Variants in SOX5 observed in about 807,000 individuals in gnomAD.
SOX5 encodes transcription factor SOX-5.
SOX5 carries 9 observed loss-of-function variants against 92.0 expected under a neutral mutation model. The ratio of observed to expected loss-of-function variants is 0.10; its 90% CI spans 0.06 to 0.17. SOX5 has a LOEUF of 0.17. Ranked by LOEUF, SOX5 falls within the 10% of genes least tolerant of loss-of-function variation. The pLI is 1.00. For missense variants in SOX5, 642 were observed against 944.5 expected (o/e 0.68, Z 4.20); for synonymous variants, 344 against 336.3 (o/e 1.02, Z -0.25).
chr12:23,752,598 T>G (rs1243459478), intron 4 of SOX5, among the ~76,000 whole-genome samples: 2 of 151,802 alleles, frequency 1.3e-5, no homozygotes, highest in Non-Finnish European at 2.9e-5. Flanking sequence ...AAATTGTGTG[T>G]GACTATTGGT....
intron 3 of SOX5, among the ~76,000 whole-genome samples, chr12:24,239,074 A>G (rs1965074705): frequency 1.3e-5 from 2 of 152,218 alleles, no homozygotes; most frequent in South Asian, 2.1e-4. Context: ...GGGTGAGACA[A>G]AAAGGTAACA....
chr12:23,726,638 T>G (rs1044071016), intron 6 of SOX5, among the ~76,000 whole-genome samples: 9 of 152,148 alleles, frequency 5.9e-5, no homozygotes, highest in Non-Finnish European at 1.2e-4. Context: ...TGATAGTCCC[T>G]ATTTTGTTAA....
chr12:23,964,797 G>A (rs1947348299), intron 4 of SOX5, among the ~76,000 whole-genome samples: 4 of 152,064 alleles, frequency 2.6e-5, no homozygotes, highest in Admixed American at 2.0e-4. Flanking sequence ...ATATATATGG[G>A]CATCTGATTA....
At chr12:24,029,253 A>C (rs547772176) in intron 4 of SOX5, among the ~76,000 whole-genome samples, 14 of 151,994 alleles carry the variant, frequency 9.2e-5, no homozygotes, top group African/African-American at 3.4e-4. Context: ...CAAGAGCCAA[A>C]ACTTCTCCAA....
rs1456398320 is a variant in SOX5 at position 24,007,243 on chromosome 12, A to T, written c.-1-111219T>A. Reference sequence around the variant, plus strand: ...TGTATATAAATGTATTTATATATATAAATGTATATAAATGTATTTATATAT... The same window carrying T: ...TGTATATAAATGTATTTATATATATTAATGTATATAAATGTATTTATATAT... On this transcript the variant is annotated intron_variant, in intron 4 of 4. Coordinates refer to the SOX5 transcript ENST00000446891. 4.0e-4 allele frequency among the ~76,000 whole-genome samples: 4 copies of T among 10,100 alleles called. 2 individuals are homozygous for T. Among genetic ancestry groups the T allele is most frequent in the Non-Finnish European group, 9.4e-4 (4 of 4,248 alleles). The allele number at this position is 10,100 out of a possible 152,430, so 6.6% of individuals were successfully genotyped here. A position where few individuals can be genotyped will look rare whatever the true frequency, so the allele number is the denominator to read the frequency against.
At chr12:23,857,398 T>C (rs2096705029) in intron 2 of SOX5, among the ~76,000 whole-genome samples, 1 of 152,160 alleles carries the variant, frequency 6.6e-6, no homozygotes, top group Admixed American at 6.5e-5. Flanking sequence ...GACACATATG[T>C]GACAATAAAA....
At chr12:24,289,784 A>G (rs940800109) in intron 2 of SOX5, among the ~76,000 whole-genome samples, 4 of 152,150 alleles carry the variant, frequency 2.6e-5, no homozygotes, top group African/African-American at 9.7e-5. Flanking sequence ...GCCTTAGAAG[A>G]TAGAGCTATT....
rs1555374990 is a variant in SOX5 at position 23,838,846 on chromosome 12, G to GC, written c.481+7136_481+7137insG. On this transcript the variant is annotated intron_variant, in intron 3 of 14. Transcript: ENST00000451604. The stretch of plus-strand genomic sequence containing the variant: ...ATTCCCAGTAGTTCTTTTTTTTTGG[G>GC]GGGGGGGGGCGGGGATGGAGTCTCG... Among the ~76,000 whole-genome samples, 538 of 95,748 alleles carry GC rather than the reference G, an allele frequency of 5.6e-3. 31 individuals carry two copies. Among genetic ancestry groups the GC allele is most frequent in the Middle Eastern group, 9.1e-3 (2 of 220 alleles). 62.8% of individuals were successfully genotyped at this position (95,748 alleles called of 152,430 possible).
At chr12:23,823,483 T>C (rs1209565366) in intron 3 of SOX5, among the ~76,000 whole-genome samples, 4 of 152,164 alleles carry the variant, frequency 2.6e-5, no homozygotes, top group Non-Finnish European at 5.9e-5. Context: ...CAGAGAGATA[T>C]GCTATTAGTC....
At chr12:24,370,579 G>A (rs1183717559) in intron 1 of SOX5, among the ~76,000 whole-genome samples, 1 of 151,848 alleles carries the variant, frequency 6.6e-6, no homozygotes, top group Non-Finnish European at 1.5e-5. Flanking sequence ...ATTGCTTGAT[G>A]CCAGGAGTGT....
At chr12:24,328,546 A>G (rs1334831494) in intron 2 of SOX5, among the ~76,000 whole-genome samples, 1 of 152,174 alleles carries the variant, frequency 6.6e-6, no homozygotes, top group African/African-American at 2.4e-5. Flanking sequence ...AGAGAGCAAA[A>G]GCTTGGTTTG....
At chr12:23,740,082 A>C (rs769519875) in intron 5 of SOX5, among the ~76,000 whole-genome samples, 2 of 152,172 alleles carry the variant, frequency 1.3e-5, no homozygotes, top group Non-Finnish European at 2.9e-5. Flanking sequence ...AGTAGAGTTT[A>C]AACCACCATT....
At chr12:24,294,345 T>G (rs113908830) in intron 2 of SOX5, among the ~76,000 whole-genome samples, 1 of 152,100 alleles carries the variant, frequency 6.6e-6, no homozygotes, top group African/African-American at 2.4e-5. Context: ...AAAGAGCTAT[T>G]CCTTTATTTC....
rs555313454 is a variant in SOX5, at chr12:24,294,548, C to A, written c.-173-17236G>T. ...ATGCCCACACTCTGAGAAGCACCGCCCCTTCCACACTTTCTACCTCTCACA... is the reference window on the plus strand; with the variant it reads ...ATGCCCACACTCTGAGAAGCACCGCACCTTCCACACTTTCTACCTCTCACA... On this transcript the variant is annotated intron_variant, in intron 2 of 4. Transcript: ENST00000446891. 3.3e-5 allele frequency among the ~76,000 whole-genome samples: 5 copies of A among 152,312 alleles called. No homozygotes were observed. In the East Asian group the frequency reaches 9.6e-4, roughly 29 times the overall value.
intron 4 of SOX5, among the ~76,000 whole-genome samples, chr12:24,162,072 C>T (rs994333471): frequency 6.6e-6 from 1 of 151,876 alleles, no homozygotes; most frequent in Non-Finnish European, 1.5e-5. Flanking sequence ...GGAAAGAGAT[C>T]GGTAAAAGAG....
chr12:24,109,981 T>C (rs1313939577), intron 4 of SOX5, among the ~76,000 whole-genome samples: 1 of 152,146 alleles, frequency 6.6e-6, no homozygotes, highest in East Asian at 1.9e-4. Context: ...TGATGACACA[T>C]TGTTAGAATA....
At position 23,623,624 on chromosome 12, in the gene SOX5, CAGA is replaced by C. The variant is rs368708284; in HGVS notation, c.1017+17185_1017+17187del. 5.7e-4 allele frequency among the ~76,000 whole-genome samples: 87 copies of C among 152,120 alleles called. 1 individual carries two copies. In the East Asian group the frequency reaches 0.016, roughly 27 times the overall value. On this transcript the variant is annotated intron_variant, in intron 8 of 14. Coordinates refer to ENST00000451604, the MANE Select transcript of SOX5 (RefSeq NM_006940.6). ...CAAATATTATCTAGGAATCAATTCTCAGAAGTTTTATCAAAAATAATCTTATTC... is the reference window on the plus strand; with the variant it reads ...CAAATATTATCTAGGAATCAATTCTCAGTTTTATCAAAAATAATCTTATTC...
intron 1 of SOX5, among the ~76,000 whole-genome samples, chr12:24,450,469 AT>A (rs373858427): frequency 7.5e-6 from 1 of 133,676 alleles, no homozygotes; most frequent in Admixed American, 7.6e-5. Context: ...GTGTGTATTT[AT>A]TTTATTTATT....
chr12:24,426,524 A>G (rs1411516635), intron 1 of SOX5, among the ~76,000 whole-genome samples: 2 of 152,258 alleles, frequency 1.3e-5, no homozygotes, highest in African/African-American at 4.8e-5. Flanking sequence ...ATTAAATATC[A>G]GAACTCACAT....
Sources: gnomAD v4.1 joint callset for allele counts (sites outside exome capture counted in the v4.1 genomes callset) on GRCh38, gnomAD v4.1.1 for gene constraint, MANE v1.5 for transcripts, NCBI Gene and HGNC (gene_info 2026-07-23, HGNC 2026-07-21) for gene names.